Variants in FAM135B observed in about 807,000 individuals in gnomAD.
FAM135B encodes the protein family with sequence similarity 135 member B.
FAM135B carries 43 observed loss-of-function variants against 127.7 expected under a neutral mutation model. The observed-to-expected ratio is 0.34, with a 90% CI of 0.26 to 0.43. FAM135B has a LOEUF of 0.43. FAM135B is among the 20% of genes least tolerant of loss of function. The pLI is 1.00. For synonymous variants in FAM135B, 670 were observed against 665.1 expected, an observed-to-expected ratio of 1.01 and a Z score of -0.11; for missense variants, 1,558 against 1,725.6, an observed-to-expected ratio of 0.90 and a Z score of 1.72.
At chr8:138,246,819 A>G (rs1340688900) in intron 6 of FAM135B, among the ~76,000 whole-genome samples, 2 of 152,234 alleles carry the variant, frequency 1.3e-5, no homozygotes, top group Non-Finnish European at 2.9e-5. Flanking sequence ...AGCCCATGAA[A>G]GCAGCCAGTA....
At chr8:138,360,797 A>T (rs1386841328) in intron 2 of FAM135B, among the ~76,000 whole-genome samples, 1 of 152,168 alleles carries the variant, frequency 6.6e-6, no homozygotes, top group Non-Finnish European at 1.5e-5. Flanking sequence ...TTTTCACAGG[A>T]ACTCTTTCAG....
intron 9 of FAM135B, among the ~76,000 whole-genome samples, chr8:138,193,636 C>CAGGTACGTGG (rs1364566538): frequency 6.6e-6 from 1 of 152,216 alleles, no homozygotes; most frequent in African/African-American, 2.4e-5. Context: ...TGCACCTCCA[C>CAGGTACGTGG]AGGTACGTGG....
At chr8:138,282,879 A>C (rs1008541759) in intron 3 of FAM135B, among the ~76,000 whole-genome samples, 1 of 152,190 alleles carries the variant, frequency 6.6e-6, no homozygotes, top group Non-Finnish European at 1.5e-5. Context: ...AAACCCACAC[A>C]TAAAAGTTCA....
chr8:138,215,009 G>A (rs903286578), intron 7 of FAM135B, among the ~76,000 whole-genome samples: 3 of 152,178 alleles, frequency 2.0e-5, no homozygotes, highest in Non-Finnish European at 2.9e-5. Context: ...AGTCACTAAC[G>A]TAGACATAAG....
intron 1 of FAM135B, among the ~76,000 whole-genome samples, chr8:138,491,135 T>A (rs1363875058): frequency 8.7e-6 from 1 of 115,006 alleles, no homozygotes. Flanking sequence ...AGAGCGAAAC[T>A]CTCTCTCAAA....
intron 1 of FAM135B, among the ~76,000 whole-genome samples, chr8:138,428,868 C>A (rs1044953063): frequency 2.0e-5 from 3 of 152,192 alleles, no homozygotes; most frequent in African/African-American, 7.2e-5. Flanking sequence ...ATATCTCATT[C>A]TCTGGGGAGT....
chr8:138,161,106 T>C (rs1376574442), intron 12 of FAM135B, among the ~76,000 whole-genome samples: 1 of 152,156 alleles, frequency 6.6e-6, no homozygotes, highest in East Asian at 1.9e-4. Context: ...AGAGTTATGA[T>C]ACAAGATGAT....
chr8:138,261,389 T>C (rs1822527684), intron 4 of FAM135B, among the ~76,000 whole-genome samples: 1 of 152,230 alleles, frequency 6.6e-6, no homozygotes. Flanking sequence ...CATTTTGTTG[T>C]TAATAATTGT....
chr8:138,229,737 C>A (rs1043531779), intron 7 of FAM135B, among the ~76,000 whole-genome samples: 2 of 152,188 alleles, frequency 1.3e-5, no homozygotes, highest in Non-Finnish European at 2.9e-5. Flanking sequence ...CTCCCAGTTT[C>A]ACATGGCTGG....
Position 138,141,555 on chromosome 8 carries a change from G to A in FAM135B, c.3639-206C>T, listed in dbSNP as rs1817149135. ...GCCTGAGATGGGGTCTTTGTGAATG[G>A]GAGCTTTGTGCCCAGTCAGGGGAGA... On this transcript the variant is annotated intron_variant, in intron 16 of 19. Transcript: ENST00000395297. The surrounding 1 kb of genome is among the most constrained non-coding windows in gnomAD (Gnocchi z 4.7). Among the ~76,000 whole-genome samples the A allele has an allele frequency of 6.6e-6, 1 of 152,194 alleles. No homozygotes were observed. Among genetic ancestry groups the A allele is most frequent in the African/African-American group, 2.4e-5 (1 of 41,450 alleles).
At chr8:138,206,141 A>G (rs1817543682) in intron 7 of FAM135B, among the ~76,000 whole-genome samples, 1 of 137,080 alleles carries the variant, frequency 7.3e-6, no homozygotes, top group Non-Finnish European at 1.6e-5. Flanking sequence ...CAGCACCTCC[A>G]CCCACGCACA....
At chr8:138,273,259 G>T (rs537130313) in intron 3 of FAM135B, among the ~76,000 whole-genome samples, 9 of 152,202 alleles carry the variant, frequency 5.9e-5, no homozygotes, top group Admixed American at 3.3e-4. Context: ...AGGCTGGAGT[G>T]CAGTGGCGTG....
chr8:138,462,830 C>T (rs1206888550), intron 1 of FAM135B, among the ~76,000 whole-genome samples: 1 of 152,184 alleles, frequency 6.6e-6, no homozygotes, highest in African/African-American at 2.4e-5. Flanking sequence ...AAATCTGAAG[C>T]TGGGTCCAGA....
chr8:138,398,184 C>T (rs1053506243), intron 1 of FAM135B, among the ~76,000 whole-genome samples: 1 of 152,162 alleles, frequency 6.6e-6, no homozygotes, highest in Non-Finnish European at 1.5e-5. Flanking sequence ...CCACCCAGCA[C>T]CCATCAGAGC....
chr8:138,311,562 T>A (rs1043043443), intron 2 of FAM135B, among the ~76,000 whole-genome samples: 1 of 152,246 alleles, frequency 6.6e-6, no homozygotes, highest in African/African-American at 2.4e-5. Flanking sequence ...AATTAATGAC[T>A]TTTTGCTTGT....
intron 2 of FAM135B, among the ~76,000 whole-genome samples, chr8:138,316,500 C>T (rs1403394714): frequency 2.0e-5 from 3 of 150,586 alleles, no homozygotes; most frequent in Non-Finnish European, 4.4e-5. Flanking sequence ...TCTCAAAAAA[C>T]AAAAAACAAA....
chr8:138,421,396 CGTAGTCTCT>C (rs765642437), intron 1 of FAM135B, among the ~76,000 whole-genome samples: 23 of 152,062 alleles, frequency 1.5e-4, no homozygotes, highest in Non-Finnish European at 3.4e-4. Flanking sequence ...TATAAAATCC[CGTAGTCTCT>C]GTATAGAAGC....
intron 1 of FAM135B, among the ~76,000 whole-genome samples, chr8:138,467,262 C>A (rs184819983): frequency 1.4e-4 from 22 of 152,164 alleles, no homozygotes; most frequent in Middle Eastern, 3.4e-3. Context: ...GAACAAGAAC[C>A]TTTAAAATTG....
rs138794618 is a variant in FAM135B, at chr8:138,175,846, C to A, written c.1103+1501G>T. On this transcript the variant is annotated intron_variant, in intron 11 of 19. Coordinates refer to ENST00000395297, the MANE Select transcript of FAM135B (RefSeq NM_015912.4). ...GGATGAGTGACCCATGTATACAGCA[C>A]CTTTACTATATTATTGCTGTATTTC... Among the ~76,000 whole-genome samples the A allele has an allele frequency of 2.2e-4, 33 of 152,250 alleles. No homozygotes were observed. In the East Asian group the frequency reaches 4.2e-3, roughly 20 times the overall value.
Sources: gnomAD v4.1 joint callset for allele counts (sites outside exome capture counted in the v4.1 genomes callset) on GRCh38, gnomAD v4.1.1 for gene constraint, Gnocchi (gnomAD v3.1) non-coding constraint, MANE v1.5 for transcripts, NCBI Gene and HGNC (gene_info 2026-07-23, HGNC 2026-07-21) for gene names.